The following IQCJ variants were observed in gnomAD, a reference collection of about 807,000 sequenced individuals.
IQCJ encodes IQ domain-containing protein J.
IQCJ carries 9 observed loss-of-function variants against 11.0 expected under a neutral mutation model. That is an observed-to-expected ratio of 0.82 (90% CI 0.49 to 1.43). The LOEUF (loss-of-function observed/expected upper bound fraction) is 1.43. IQCJ is among the 40% of genes most tolerant of loss of function. IQCJ has a pLI of 0.00. For synonymous variants in IQCJ, 55 were observed against 51.3 expected (o/e 1.07, Z -0.31); for missense variants, 146 against 133.2 (o/e 1.10, Z -0.47).
rs1454591736 is a variant in IQCJ at position 159,263,497 on chromosome 3, A to C, written c.*766A>C. ...GAAATCAGTGATGAGGGATTTATGAACCAGGATTTTGTGGATTTAAGCATT... is the reference window on the plus strand; with the variant it reads ...GAAATCAGTGATGAGGGATTTATGACCCAGGATTTTGTGGATTTAAGCATT... On this transcript the variant is annotated 3_prime_UTR_variant, in exon 4 of 4. Coordinates refer to ENST00000397832, the MANE Select transcript of IQCJ (RefSeq NM_001042706.3). 1.0e-6 allele frequency: 1 copy of C among 984,444 alleles called. No individual in the cohort carries two copies. Among genetic ancestry groups the C allele is most frequent in the Non-Finnish European group, 1.2e-6 (1 of 829,144 alleles). The allele number at this position is 984,444 out of a possible 1,614,324, so 61.0% of individuals were successfully genotyped here. A position where few individuals can be genotyped will look rare whatever the true frequency, so the allele number is the denominator to read the frequency against.
chr3:159,227,445 C>A lies in IQCJ; in HGVS notation c.10-18398C>A, dbSNP rs918778463. Among the ~76,000 whole-genome samples, 3 of 152,102 alleles carry A rather than the reference C, an allele frequency of 2.0e-5. 1 individual carries two copies. The highest frequency in any genetic ancestry group is 7.2e-5 in the African/African-American group (3 of 41,494). ...TGGGATGAAATATCAAGATTCTTTC[C>A]TTTAAGGGGATATCCAAGAATACAC... is the stretch of plus-strand genomic sequence containing the variant. On this transcript the variant is annotated intron_variant, in intron 1 of 3. Transcript: ENST00000397832.
chr3:159,069,546 T>C, intron 1 of IQCJ, 105 bp downstream of exon 1: 1 of 1,480,994 alleles, frequency 6.8e-7, no homozygotes. Context: ...ATGCAAAAAA[T>C]GTCAAAAAGA....
chr3:159,263,356 G>T lies in IQCJ; in HGVS notation c.*625G>T. 1 of 707,524 alleles carries T rather than the reference G, an allele frequency of 1.4e-6. No homozygotes were observed. Among genetic ancestry groups the T allele is most frequent in the Non-Finnish European group, 1.7e-6 (1 of 576,634 alleles). 43.8% of individuals were successfully genotyped at this position (707,524 alleles called of 1,614,324 possible). On this transcript the variant is annotated 3_prime_UTR_variant, in exon 4 of 4. Transcript: ENST00000397832. ...AAAATTTAAAAGGTAAAGTAAGCAT[G>T]CCTACAGACCACAATTGACCTACAG...
chr3:159,170,412 T>C (rs1297540485), intron 1 of IQCJ, among the ~76,000 whole-genome samples: 1 of 152,188 alleles, frequency 6.6e-6, no homozygotes, highest in Non-Finnish European at 1.5e-5. Flanking sequence ...TTTATGTAAA[T>C]AATTTTTGAA....
chr3:159,185,215 C>A (rs1026352626), intron 1 of IQCJ, among the ~76,000 whole-genome samples: 3 of 152,156 alleles, frequency 2.0e-5, no homozygotes, highest in African/African-American at 4.8e-5. Flanking sequence ...ACAAAACAAC[C>A]CTCTACAAAT....
chr3:159,160,217 A>T (rs1721757963), intron 1 of IQCJ, among the ~76,000 whole-genome samples: 1 of 152,132 alleles, frequency 6.6e-6, no homozygotes, highest in Non-Finnish European at 1.5e-5. Context: ...TCCATCACCA[A>T]CACTCACACC....
At chr3:159,136,908 A>C (rs1720320956) in intron 1 of IQCJ, among the ~76,000 whole-genome samples, 1 of 152,176 alleles carries the variant, frequency 6.6e-6, no homozygotes, top group Non-Finnish European at 1.5e-5. Flanking sequence ...GTGTAAATTG[A>C]CAGCACAAAT....
chr3:159,117,376 A>G (rs1719094014), intron 1 of IQCJ, among the ~76,000 whole-genome samples: 2 of 152,170 alleles, frequency 1.3e-5, no homozygotes, highest in South Asian at 4.1e-4. Context: ...TCCGACCCAG[A>G]ACCTTTTAGA....
chr3:159,152,902 G>A (rs963977471), intron 1 of IQCJ, among the ~76,000 whole-genome samples: 1 of 152,082 alleles, frequency 6.6e-6, no homozygotes. Flanking sequence ...ATGAGATAAG[G>A]TAGTACGCCA....
At chr3:159,079,067 A>T (rs758307251) in intron 1 of IQCJ, among the ~76,000 whole-genome samples, 2 of 152,244 alleles carry the variant, frequency 1.3e-5, no homozygotes, top group Non-Finnish European at 2.9e-5. Context: ...GACAGCCAGG[A>T]GCTGCATTCC....
At chr3:159,106,462 T>C (rs559189686) in intron 1 of IQCJ, among the ~76,000 whole-genome samples, 1 of 151,958 alleles carries the variant, frequency 6.6e-6, no homozygotes, top group African/African-American at 2.4e-5. Context: ...AGTCAGGAAT[T>C]TGAGGAGCAA....
intron 1 of IQCJ, among the ~76,000 whole-genome samples, chr3:159,164,817 A>T (rs533313528): frequency 1.3e-5 from 2 of 152,262 alleles, no homozygotes; most frequent in South Asian, 4.1e-4. Context: ...AGCCCAAAAT[A>T]ACAGTGCATT....
At chr3:159,185,537 C>T (rs1255458181) in intron 1 of IQCJ, among the ~76,000 whole-genome samples, 1 of 152,130 alleles carries the variant, frequency 6.6e-6, no homozygotes, top group East Asian at 1.9e-4. Context: ...CAATTCAAAA[C>T]AGAAAACTAT....
At position 159,208,769 on chromosome 3, in the gene IQCJ, G is replaced by A. The variant is rs553765211; in HGVS notation, c.10-37074G>A. Among the ~76,000 whole-genome samples, 15 of 152,264 alleles carry A rather than the reference G, an allele frequency of 9.9e-5. No homozygotes were observed. The South Asian group carries it at 2.9e-3, about 29-fold the overall frequency. ...GAATTTATTTGGAAAAAGAATCTTT[G>A]CAGACATAATTGAGGATCTCAAGAT... is the stretch of plus-strand genomic sequence containing the variant. On this transcript the variant is annotated intron_variant, in intron 1 of 3. Transcript: ENST00000397832.
At chr3:159,265,606 GGTT>G, downstream of IQCJ, 1 of 466,768 alleles carries the variant, frequency 2.1e-6, no homozygotes, top group Non-Finnish European at 3.8e-6. Context: ...ATCTTTTCCA[GGTT>G]GTTGAACCTC....
chr3:159,104,743 C>G (rs1559986521), intron 1 of IQCJ, among the ~76,000 whole-genome samples: 1 of 152,292 alleles, frequency 6.6e-6, no homozygotes, highest in East Asian at 1.9e-4. Flanking sequence ...TGAGCACCAC[C>G]TAAGTAGCAC....
chr3:159,069,450 T>C lies in IQCJ; in HGVS notation c.9+9T>C. On this transcript the variant is annotated intron_variant, in intron 1 of 3. Coordinates refer to ENST00000397832, the MANE Select transcript of IQCJ (RefSeq NM_001042706.3). ...ACTTCAAAATGCGTCTGGTAATGTATTTGCTTTTCTAAACGTGCCACTTTG... is the reference window on the plus strand; with the variant it reads ...ACTTCAAAATGCGTCTGGTAATGTACTTGCTTTTCTAAACGTGCCACTTTG... 6.2e-7 allele frequency: 1 copy of C among 1,608,544 alleles called. No homozygotes were observed. Among genetic ancestry groups the C allele is most frequent in the Non-Finnish European group, 8.5e-7 (1 of 1,177,842 alleles).
chr3:159,085,966 G>C lies in IQCJ; in HGVS notation c.9+16525G>C, dbSNP rs187466839. On this transcript the variant is annotated intron_variant, in intron 1 of 3. Transcript: ENST00000397832. Reference sequence around the variant, plus strand: ...TTTGGCTTTTGTTGCTATTGCTTTTGGTGTTTTAGACATGAAGCCTTGCCC... The same window carrying C: ...TTTGGCTTTTGTTGCTATTGCTTTTCGTGTTTTAGACATGAAGCCTTGCCC... 2.1e-3 allele frequency among the ~76,000 whole-genome samples: 317 copies of C among 152,062 alleles called. 4 individuals carry two copies. Among genetic ancestry groups the C allele is most frequent in the Non-Finnish European group, 2.5e-3 (169 of 67,978 alleles).
At chr3:159,133,795 T>A (rs750397622) in intron 1 of IQCJ, among the ~76,000 whole-genome samples, 28 of 152,134 alleles carry the variant, frequency 1.8e-4, no homozygotes, top group Non-Finnish European at 4.0e-4. Context: ...GTTAGTAGAA[T>A]GTACTTATTA....
Sources: gnomAD v4.1 joint callset for allele counts (sites outside exome capture counted in the v4.1 genomes callset) on GRCh38, gnomAD v4.1.1 for gene constraint, MANE v1.5 for transcripts, NCBI Gene and HGNC (gene_info 2026-07-23, HGNC 2026-07-21) for gene names.